The following IREB2 variants were observed in gnomAD, a reference collection of about 807,000 sequenced individuals.
The protein encoded by IREB2 is iron-responsive element-binding protein 2.
Under a neutral mutation model 118.8 loss-of-function variants are expected in IREB2, and 39 were observed. That is an observed-to-expected ratio of 0.33 (90% CI 0.25 to 0.43). The LOEUF (loss-of-function observed/expected upper bound fraction) is 0.43, where lower values mean the gene tolerates loss of function less well. Ranked by LOEUF, IREB2 falls within the 20% of genes least tolerant of loss-of-function variation. The probability of loss-of-function intolerance (pLI) is 1.00; values close to 1 mark genes in which losing one functional copy is unlikely to be tolerated. For synonymous variants in IREB2, 372 were observed against 392.2 expected (o/e 0.95, Z 0.61); for missense variants, 900 against 1,147.3 (o/e 0.78, Z 3.11).
At chr15:78,486,563 C>A (rs1272239714) in intron 13 of IREB2, among the ~76,000 whole-genome samples, 1 of 152,148 alleles carries the variant, frequency 6.6e-6, no homozygotes, top group Non-Finnish European at 1.5e-5. Context: ...CCAGATCGTG[C>A]CGCTGCACTC....
chr15:78,473,341 C>G lies in IREB2; in HGVS notation c.983C>G (p.Pro328Arg). Reference protein sequence around the residue: ...VGCELTGSSNPFVTSIDVVLG... With the variant: ...VGCELTGSSNRFVTSIDVVLG... ...TGTGAGTTAACTGGGTCATCAAACC[C>G]TTTTGTTACATCCATAGATGTTGTT... is the stretch of plus-strand genomic sequence containing the variant. The change falls in exon 8 of 22, where the codon CCT becomes CGT. Residue 328 changes from proline to arginine, a missense_variant. Pro to Arg is a moderately radical substitution (Grantham distance 103). Transcript: ENST00000258886. 6.2e-7 allele frequency: 1 copy of G among 1,613,848 alleles called. No homozygotes were observed. Among genetic ancestry groups the G allele is most frequent in the Non-Finnish European group, 8.5e-7 (1 of 1,179,818 alleles).
chr15:78,480,604 G>A (rs113011956), intron 10 of IREB2, among the ~76,000 whole-genome samples: 22,562 of 147,324 alleles, frequency 0.15, 1,717 homozygotes, highest in South Asian at 0.16. Context: ...CATGAGAATC[G>A]CTTGAACCCA....
intron 10 of IREB2, among the ~76,000 whole-genome samples, chr15:78,481,986 A>G (rs950052710): frequency 1.3e-5 from 2 of 152,216 alleles, no homozygotes; most frequent in South Asian, 4.1e-4. Flanking sequence ...TCTTGCGTGT[A>G]ATCCCAGCAC....
intron 2 of IREB2, among the ~76,000 whole-genome samples, chr15:78,453,691 G>A (rs2051061884): frequency 6.6e-6 from 1 of 152,194 alleles, no homozygotes; most frequent in African/African-American, 2.4e-5. Context: ...TATAGTAGGA[G>A]GAAGTTGAGA....
At chr15:78,482,838 C>T (rs2051597964) in intron 10 of IREB2, among the ~76,000 whole-genome samples, 1 of 151,878 alleles carries the variant, frequency 6.6e-6, no homozygotes. Context: ...AGCTCCGCCT[C>T]CTGGGTTCAC....
At chr15:78,485,911 T>C in intron 13 of IREB2, 71 bp downstream of exon 13, 1 of 1,262,160 alleles carries the variant, frequency 7.9e-7, no homozygotes, top group Non-Finnish European at 1.1e-6. Flanking sequence ...TGTTTGTGCC[T>C]TTCATATACA....
chr15:78,493,754 A>C (rs987932151), intron 18 of IREB2, among the ~76,000 whole-genome samples, 155 bp from the exon 19 acceptor site: 1 of 152,218 alleles, frequency 6.6e-6, no homozygotes, highest in Non-Finnish European at 1.5e-5. Context: ...GTTAAGTTAT[A>C]GCTTGGTGAT....
chr15:78,456,477 A>G (rs1216717669), intron 2 of IREB2, among the ~76,000 whole-genome samples: 1 of 152,008 alleles, frequency 6.6e-6, no homozygotes, highest in African/African-American at 2.4e-5. Flanking sequence ...TCCCTGGGCA[A>G]CATGGCGAAA....
intron 20 of IREB2, 124 bp downstream of exon 20, chr15:78,494,388 G>A (rs1428598569): frequency 3.1e-6 from 3 of 974,832 alleles, no homozygotes; most frequent in Non-Finnish European, 4.6e-6. Flanking sequence ...TAGGTATAGA[G>A]GGTTTTGTTT....
intron 2 of IREB2, among the ~76,000 whole-genome samples, chr15:78,462,319 T>C (rs954475972): frequency 6.6e-5 from 10 of 152,210 alleles, no homozygotes; most frequent in African/African-American, 1.2e-4. Flanking sequence ...GGAAACACTT[T>C]TGTGTGGCAC....
At chr15:78,444,546 G>C (rs2050897056) in intron 2 of IREB2, among the ~76,000 whole-genome samples, 1 of 151,994 alleles carries the variant, frequency 6.6e-6, no homozygotes, top group Non-Finnish European at 1.5e-5. Flanking sequence ...TCCTCCAGTA[G>C]AGCCGGGACT....
chr15:78,446,813 A>T (rs899720833), intron 2 of IREB2, among the ~76,000 whole-genome samples: 1 of 152,104 alleles, frequency 6.6e-6, no homozygotes, highest in Non-Finnish European at 1.5e-5. Flanking sequence ...GCCACCGAGA[A>T]CTGTAGCAGT....
At chr15:78,437,672 G>A (rs1194590594), upstream of IREB2, 1 of 152,790 alleles carries the variant, frequency 6.5e-6, no homozygotes, top group Non-Finnish European at 1.5e-5. Context: ...GCTTAAGCAT[G>A]TGTTAACTGC....
intron 10 of IREB2, among the ~76,000 whole-genome samples, chr15:78,482,433 C>T (rs1344847300): frequency 1.3e-5 from 2 of 151,962 alleles, no homozygotes; most frequent in Non-Finnish European, 2.9e-5. Flanking sequence ...ACAAAAAATA[C>T]GTTTCTTAAC....
intron 18 of IREB2, among the ~76,000 whole-genome samples, chr15:78,492,617 G>A (rs2051770115): frequency 6.6e-6 from 1 of 152,110 alleles, no homozygotes; most frequent in African/African-American, 2.4e-5. Context: ...GGGCTGAAAG[G>A]CAGTGGCACT....
intron 2 of IREB2, among the ~76,000 whole-genome samples, chr15:78,455,295 G>C (rs979659647): frequency 6.6e-6 from 1 of 152,186 alleles, no homozygotes; most frequent in African/African-American, 2.4e-5. Context: ...AGTTTAGGAA[G>C]CTTGCAAGAT....
intron 2 of IREB2, among the ~76,000 whole-genome samples, chr15:78,450,526 A>G (rs1412767083): frequency 6.6e-6 from 1 of 152,162 alleles, no homozygotes; most frequent in African/African-American, 2.4e-5. Flanking sequence ...GAGTGCAGGC[A>G]GGGATCTGAT....
rs200571290 is a variant in IREB2, at chr15:78,490,920, G to A, written c.2324+159G>A. Among the ~76,000 whole-genome samples the A allele has an allele frequency of 1.6e-3, 245 of 152,024 alleles. 1 individual carries two copies. The highest frequency in any genetic ancestry group is 5.7e-3 in the African/African-American group (235 of 41,418). On this transcript the variant is annotated intron_variant, in intron 18 of 21. Coordinates refer to ENST00000258886, the MANE Select transcript of IREB2 (RefSeq NM_004136.4). Reference sequence around the variant, plus strand: ...TTAAGCAAGAATGGAGAGTGGCGGGGTGGGGAGGCGGGGGGTACCTTCTGT... The same window carrying A: ...TTAAGCAAGAATGGAGAGTGGCGGGATGGGGAGGCGGGGGGTACCTTCTGT...
At chr15:78,492,592 G>T (rs563498726) in intron 18 of IREB2, among the ~76,000 whole-genome samples, 1 of 152,244 alleles carries the variant, frequency 6.6e-6, no homozygotes, top group South Asian at 2.1e-4. Flanking sequence ...TAGAGACAGG[G>T]TCTCACTCTT....
Sources: allele counts gnomAD v4.1 joint callset (sites outside exome capture counted in the v4.1 genomes callset), GRCh38; gene constraint gnomAD v4.1.1; transcripts MANE v1.5; gene names NCBI Gene and HGNC (gene_info 2026-07-23, HGNC 2026-07-21).